Variants in PCDH15 observed in about 807,000 individuals in gnomAD.
PCDH15 encodes the protein protocadherin related 15, also known as protocadherin-15.
A neutral mutation model predicts 178.5 loss-of-function variants in PCDH15; 129 were observed. The ratio of observed to expected loss-of-function variants is 0.72; its 90% CI spans 0.63 to 0.84. The LOEUF is 0.84. Among genes scored for constraint, PCDH15 ranks in the 40% least tolerant of loss-of-function variants. PCDH15 has a pLI of 0.00. For missense variants in PCDH15, 2,230 were observed against 2,099.9 expected, an observed-to-expected ratio of 1.06 and a Z score of -1.21; for synonymous variants, 800 against 732.0, an observed-to-expected ratio of 1.09 and a Z score of -1.50.
intron 2 of PCDH15, among the ~76,000 whole-genome samples, chr10:54,960,112 T>C (rs1311226943): frequency 1.3e-5 from 2 of 152,174 alleles, no homozygotes; most frequent in Non-Finnish European, 2.9e-5. Context: ...TATTCTTGTA[T>C]TTAATAGAAT....
intron 2 of PCDH15, among the ~76,000 whole-genome samples, chr10:55,517,783 C>T (rs889615477): frequency 8.6e-5 from 13 of 152,040 alleles, no homozygotes; most frequent in African/African-American, 2.2e-4. Flanking sequence ...GTGCTACATC[C>T]CTACCATGGA....
rs537239371 is a variant in PCDH15 at position 54,101,881 on chromosome 10, G to A, written c.1918-11818C>T. Among the ~76,000 whole-genome samples the A allele has an allele frequency of 6.4e-4, 98 of 152,146 alleles. 1 individual carries two copies. The highest frequency in any genetic ancestry group is 2.2e-3 in the African/African-American group (90 of 41,510). On this transcript the variant is annotated intron_variant, in intron 15 of 37. Transcript: ENST00000644397. Reference sequence around the variant, plus strand: ...TCTCAGCTACTTGGGAGGCTGAGGTGGGAGGATAACTTGAGCCCTGGAGGT... The same window carrying A: ...TCTCAGCTACTTGGGAGGCTGAGGTAGGAGGATAACTTGAGCCCTGGAGGT...
chr10:54,957,656 G>A lies in PCDH15; in HGVS notation c.-79-60156C>T, dbSNP rs576736769. 1.1e-4 allele frequency among the ~76,000 whole-genome samples: 16 copies of A among 151,472 alleles called. 2 individuals are homozygous for A. The highest frequency in any genetic ancestry group is 3.6e-4 in the African/African-American group (15 of 41,430). ...GGGGTGGTAGATCTCTCCATAGCAG[G>A]AAGGAAAATGCCAGAAAATACAATG... On this transcript the variant is annotated intron_variant, in intron 2 of 5. Transcript: ENST00000458638.
chr10:54,922,905 T>C (rs1837530046), intron 2 of PCDH15, among the ~76,000 whole-genome samples: 1 of 152,172 alleles, frequency 6.6e-6, no homozygotes, highest in Non-Finnish European at 1.5e-5. Context: ...TTCTCACAGC[T>C]TCACTAGGGA....
intron 1 of PCDH15, among the ~76,000 whole-genome samples, chr10:55,212,500 T>C (rs1029908891): frequency 2.9e-4 from 44 of 152,062 alleles, no homozygotes; most frequent in Non-Finnish European, 1.2e-4. Context: ...CCTTGGGTGA[T>C]ACTCCAGACA....
intron 2 of PCDH15, among the ~76,000 whole-genome samples, chr10:54,630,471 T>C (rs1052930285): frequency 6.6e-6 from 1 of 152,194 alleles, no homozygotes; most frequent in Non-Finnish European, 1.5e-5. Flanking sequence ...TGCAGAAGAA[T>C]GAAACTGCAC....
intron 15 of PCDH15, among the ~76,000 whole-genome samples, chr10:54,092,444 C>T (rs2094614380): frequency 6.6e-6 from 1 of 151,902 alleles, no homozygotes; most frequent in Non-Finnish European, 1.5e-5. Flanking sequence ...CCCCCAGCTC[C>T]CCACCCTCCC....
intron 2 of PCDH15, among the ~76,000 whole-genome samples, chr10:54,588,715 A>G (rs2091675205): frequency 6.6e-6 from 1 of 152,050 alleles, no homozygotes; most frequent in South Asian, 2.1e-4. Context: ...AGCTGTGACT[A>G]CAGTTGCATG....
intron 3 of PCDH15, among the ~76,000 whole-genome samples, chr10:54,433,708 T>G (rs1431876514): frequency 6.6e-6 from 1 of 152,198 alleles, no homozygotes; most frequent in Admixed American, 6.5e-5. Context: ...TTGGACTGTT[T>G]GTAACACAAA....
intron 1 of PCDH15, among the ~76,000 whole-genome samples, chr10:54,768,627 T>A (rs2133234688): frequency 6.6e-6 from 1 of 152,126 alleles, no homozygotes; most frequent in Middle Eastern, 3.2e-3. Context: ...ACACCCCATA[T>A]CCCAAATAAT....
chr10:54,020,822 G>A (rs1028845979), intron 19 of PCDH15, among the ~76,000 whole-genome samples: 1 of 151,902 alleles, frequency 6.6e-6, no homozygotes, highest in Non-Finnish European at 1.5e-5. Flanking sequence ...TGATAATCAT[G>A]AACAAATATT....
chr10:54,411,027 G>A (rs1402317553), intron 3 of PCDH15, among the ~76,000 whole-genome samples: 4 of 152,138 alleles, frequency 2.6e-5, no homozygotes, highest in South Asian at 2.1e-4. Flanking sequence ...TTAAGTATGT[G>A]TCTCTGTATG....
At chr10:54,619,645 C>T (rs2093292445) in intron 2 of PCDH15, among the ~76,000 whole-genome samples, 1 of 151,988 alleles carries the variant, frequency 6.6e-6, no homozygotes, top group South Asian at 2.1e-4. Flanking sequence ...GATGTGCTCA[C>T]TTTGCAAAAG....
intron 1 of PCDH15, among the ~76,000 whole-genome samples, chr10:55,319,376 G>A (rs1843823141): frequency 2.0e-5 from 3 of 152,106 alleles, no homozygotes; most frequent in African/African-American, 7.2e-5. Flanking sequence ...AAACAAAGGA[G>A]TTTCATTGCA....
intron 2 of PCDH15, among the ~76,000 whole-genome samples, chr10:55,609,621 T>C (rs1182962577): frequency 2.0e-5 from 3 of 152,106 alleles, no homozygotes; most frequent in African/African-American, 7.2e-5. Context: ...TTCAAGTTCA[T>C]GTACACTGTC....
At chr10:55,094,776 GC>G (rs1842407555) in intron 2 of PCDH15, among the ~76,000 whole-genome samples, 1 of 151,838 alleles carries the variant, frequency 6.6e-6, no homozygotes, top group Middle Eastern at 3.2e-3. Context: ...TGTGATCAGT[GC>G]TTACAAATAA....
intron 2 of PCDH15, among the ~76,000 whole-genome samples, chr10:54,934,774 G>A (rs1237574603): frequency 6.6e-6 from 1 of 151,736 alleles, no homozygotes; most frequent in East Asian, 1.9e-4. Context: ...AAAGACACAT[G>A]CACACGTATG....
intron 26 of PCDH15, among the ~76,000 whole-genome samples, chr10:53,891,751 G>A (rs976486482): frequency 2.0e-5 from 3 of 151,488 alleles, no homozygotes; most frequent in African/African-American, 7.3e-5. Flanking sequence ...TCAGGGTTTC[G>A]AGACCAGTCT....
chr10:55,182,037 G>A (rs550391444), intron 1 of PCDH15, among the ~76,000 whole-genome samples: 34 of 151,968 alleles, frequency 2.2e-4, no homozygotes, highest in Admixed American at 1.1e-3. Context: ...ATGATGAACC[G>A]TGTCTTGTTC....
Sources: allele counts gnomAD v4.1 joint callset (sites outside exome capture counted in the v4.1 genomes callset), GRCh38; gene constraint gnomAD v4.1.1; transcripts MANE v1.5; gene names NCBI Gene and HGNC (gene_info 2026-07-23, HGNC 2026-07-21).